Variants in PDE10A observed in about 807,000 individuals in gnomAD.
PDE10A encodes the protein cAMP and cAMP-inhibited cGMP 3',5'-cyclic phosphodiesterase 10A.
Under a neutral mutation model 97.7 loss-of-function variants are expected in PDE10A, and 39 were observed. The observed-to-expected ratio is 0.40, with a 90% CI of 0.31 to 0.52. PDE10A has a LOEUF of 0.52. Ranked by LOEUF, PDE10A falls within the 20% of genes least tolerant of loss-of-function variation. The probability of loss-of-function intolerance (pLI) is 0.56; values close to 1 mark genes in which losing one functional copy is unlikely to be tolerated. For synonymous variants in PDE10A, 371 were observed against 376.8 expected (o/e 0.98, Z 0.18); for missense variants, 731 against 1,047.8 (o/e 0.70, Z 4.17).
intron 3 of PDE10A, among the ~76,000 whole-genome samples, chr6:165,461,843 T>C (rs1778347517): frequency 6.6e-6 from 1 of 152,236 alleles, no homozygotes; most frequent in East Asian, 1.9e-4. Context: ...AAAAATATTA[T>C]CCAACGATGC....
intron 13 of PDE10A, among the ~76,000 whole-genome samples, chr6:165,402,427 T>C (rs1786741244): frequency 6.6e-6 from 1 of 152,108 alleles, no homozygotes. Flanking sequence ...ATATGAATAG[T>C]AGAAAATAAT....
At chr6:165,837,378 T>G (rs1477419423) in intron 1 of PDE10A, among the ~76,000 whole-genome samples, 1 of 152,234 alleles carries the variant, frequency 6.6e-6, no homozygotes, top group Non-Finnish European at 1.5e-5. Flanking sequence ...TAAAATCGTC[T>G]ATTCTTTCCT....
chr6:165,574,868 A>T (rs768332012), intron 1 of PDE10A, among the ~76,000 whole-genome samples: 4 of 152,214 alleles, frequency 2.6e-5, no homozygotes, highest in Non-Finnish European at 4.4e-5. Flanking sequence ...AAAACAGGAT[A>T]TGATTCATTT....
intron 18 of PDE10A, among the ~76,000 whole-genome samples, chr6:165,360,681 CCGA>C (rs1246836851): frequency 2.0e-5 from 3 of 152,106 alleles, no homozygotes; most frequent in Admixed American, 2.0e-4. Context: ...TCTCAAATAA[CCGA>C]GTGCTGGAAA....
At chr6:165,618,378 C>A (rs1387608303) in intron 1 of PDE10A, among the ~76,000 whole-genome samples, 1 of 152,088 alleles carries the variant, frequency 6.6e-6, no homozygotes, top group Non-Finnish European at 1.5e-5. Flanking sequence ...CTGTATCATA[C>A]CCCAAACCGG....
rs116815078 is a variant in PDE10A, at chr6:165,740,861, C to G, written c.-614-197293G>C. 7.4e-3 allele frequency among the ~76,000 whole-genome samples: 1,129 copies of G among 152,098 alleles called. 21 individuals are homozygous for G. Among genetic ancestry groups the G allele is most frequent in the African/African-American group, 0.026 (1,065 of 41,504 alleles). On this transcript the variant is annotated intron_variant, in intron 1 of 19. Transcript: ENST00000366882. ...GAAGTAGAGAGTAGAATGGGGATTG[C>G]TAGGGGCTGGAGGAAAAGAAGATGG...
At chr6:165,469,112 A>G (rs371209971) in intron 3 of PDE10A, among the ~76,000 whole-genome samples, 4 of 152,380 alleles carry the variant, frequency 2.6e-5, no homozygotes, top group East Asian at 3.9e-4. Context: ...GCCTACTAGC[A>G]TAGTGAGTAA....
chr6:165,396,182 G>T, intron 14 of PDE10A, 135 bp downstream of exon 14: 1 of 764,274 alleles, frequency 1.3e-6, no homozygotes, highest in Non-Finnish European at 2.0e-6. Flanking sequence ...TTCAGAAGCA[G>T]ACAATGGCAA....
At chr6:165,955,651 T>C (rs542814650) in intron 1 of PDE10A, among the ~76,000 whole-genome samples, 24 of 152,214 alleles carry the variant, frequency 1.6e-4, no homozygotes, top group Admixed American at 7.9e-4. Flanking sequence ...TATGGAAGTA[T>C]TTTAAGTGCG....
intron 1 of PDE10A, among the ~76,000 whole-genome samples, chr6:165,583,896 C>G (rs953585675): frequency 1.3e-5 from 2 of 152,158 alleles, no homozygotes; most frequent in African/African-American, 2.4e-5. Flanking sequence ...GTTCCCACAA[C>G]CTTATGCTCT....
At chr6:165,375,347 A>G (rs551010658) in intron 18 of PDE10A, among the ~76,000 whole-genome samples, 2 of 152,348 alleles carry the variant, frequency 1.3e-5, no homozygotes, top group East Asian at 3.9e-4. Context: ...AGAAAGTTTT[A>G]GTAATCTGGA....
At chr6:165,707,258 G>A (rs1198019568) in intron 1 of PDE10A, among the ~76,000 whole-genome samples, 1 of 152,206 alleles carries the variant, frequency 6.6e-6, no homozygotes, top group Admixed American at 6.5e-5. Flanking sequence ...CTGGTCCCCA[G>A]GGGATGGGTG....
intron 1 of PDE10A, among the ~76,000 whole-genome samples, chr6:165,548,603 A>G (rs886789931): frequency 3.3e-5 from 5 of 152,138 alleles, no homozygotes; most frequent in African/African-American, 1.2e-4. Context: ...TTGGGGTACA[A>G]TCTGGTCAGT....
Position 165,434,492 on chromosome 6 carries a change from G to T in PDE10A, c.1335+745C>A, listed in dbSNP as rs548779573. Among the ~76,000 whole-genome samples the T allele has an allele frequency of 1.2e-3, 177 of 152,272 alleles. 1 individual carries two copies. Among genetic ancestry groups the T allele is most frequent in the Non-Finnish European group, 1.7e-3 (115 of 68,026 alleles). ...TGTCCACATGTACTGTGGAGGACTA[G>T]ACTGAGGGCTCCACTTTGTCTAGTT... On this transcript the variant is annotated intron_variant, in intron 6 of 21. Transcript: ENST00000539869.
At chr6:165,386,500 A>C (rs376284509) in intron 17 of PDE10A, among the ~76,000 whole-genome samples, 1 of 152,180 alleles carries the variant, frequency 6.6e-6, no homozygotes, top group Non-Finnish European at 1.5e-5. Flanking sequence ...ACTCCTAATT[A>C]TTTTTAAGTG....
At chr6:165,965,348 G>A (rs1784479893) in intron 1 of PDE10A, among the ~76,000 whole-genome samples, 1 of 152,176 alleles carries the variant, frequency 6.6e-6, no homozygotes. Flanking sequence ...AGACACTGGT[G>A]GGGCAGACAC....
At chr6:165,716,701 G>C (rs1417178635) in intron 1 of PDE10A, among the ~76,000 whole-genome samples, 1 of 152,106 alleles carries the variant, frequency 6.6e-6, no homozygotes, top group Non-Finnish European at 1.5e-5. Context: ...TGGATCAAGA[G>C]AATTCTGTTA....
rs374748483 is a variant in PDE10A at position 165,858,312 on chromosome 6, C to T, written c.-615+129217G>A. Among the ~76,000 whole-genome samples, 14 of 152,208 alleles carry T rather than the reference C, an allele frequency of 9.2e-5. No homozygotes were observed. The East Asian group carries it at 1.2e-3, about 13-fold the overall frequency. On this transcript the variant is annotated intron_variant, in intron 1 of 19. Coordinates refer to the PDE10A transcript ENST00000366882. Reference sequence around the variant, plus strand: ...CCTCAGCCCAGGTCTGTCCCTTGTGCTGTTTTGAGGGAGTGCTCCCGACTA... The same window carrying T: ...CCTCAGCCCAGGTCTGTCCCTTGTGTTGTTTTGAGGGAGTGCTCCCGACTA...
intron 1 of PDE10A, among the ~76,000 whole-genome samples, chr6:165,732,425 C>T (rs924268178): frequency 5.3e-5 from 8 of 152,276 alleles, no homozygotes; most frequent in Non-Finnish European, 5.9e-5. Flanking sequence ...CAGTGAGCAC[C>T]GCGTGGTCAC....
Sources: gnomAD v4.1 joint callset for allele counts (sites outside exome capture counted in the v4.1 genomes callset) on GRCh38, gnomAD v4.1.1 for gene constraint, MANE v1.5 for transcripts, NCBI Gene and HGNC (gene_info 2026-07-23, HGNC 2026-07-21) for gene names.